The following HLF variants were observed in gnomAD, a reference collection of about 807,000 sequenced individuals.
The protein encoded by HLF is hepatic leukemia factor.
Under a neutral mutation model 22.6 loss-of-function variants are expected in HLF, and 3 were observed. The observed-to-expected ratio is 0.13, with a 90% CI of 0.06 to 0.34. The LOEUF is 0.34. Among genes scored for constraint, HLF ranks in the 10% least tolerant of loss-of-function variants. HLF has a pLI of 1.00. For synonymous variants in HLF, 151 were observed against 151.8 expected (o/e 0.99, Z 0.04); for missense variants, 299 against 389.2 (o/e 0.77, Z 1.95).
Position 55,280,037 on chromosome 17 carries a change from G to T in HLF, c.451+11951G>T, listed in dbSNP as rs145330034. Among the ~76,000 whole-genome samples the T allele has an allele frequency of 9.8e-5, 15 of 152,322 alleles. 1 individual carries two copies. In the East Asian group the frequency reaches 2.9e-3, roughly 29 times the overall value. ...AGTGAGGGTGCTGATACCTGCTTCA[G>T]AGGATTCCTGGAGAAGTAAATGAGA... On this transcript the variant is annotated intron_variant, in intron 2 of 3. Transcript: ENST00000226067.
intron 2 of HLF, among the ~76,000 whole-genome samples, chr17:55,286,387 T>G (rs941737091): frequency 6.6e-6 from 1 of 152,072 alleles, no homozygotes; most frequent in African/African-American, 2.4e-5. Context: ...AGCTGGCTGT[T>G]TTGCCTTCAG....
chr17:55,299,319 T>C (rs1206292174), intron 2 of HLF, among the ~76,000 whole-genome samples: 4 of 152,194 alleles, frequency 2.6e-5, no homozygotes, highest in Non-Finnish European at 5.9e-5. Context: ...CATTAACTAA[T>C]AGGGAGACAG....
chr17:55,294,328 A>G (rs2081093052), intron 2 of HLF, among the ~76,000 whole-genome samples: 1 of 152,220 alleles, frequency 6.6e-6, no homozygotes, highest in African/African-American at 2.4e-5. Context: ...AAGTCCTTGT[A>G]AAGAAGCATA....
rs1023058467 is a variant in HLF at position 55,321,212 on chromosome 17, C to A, written c.*333C>A. ...TCTCCCATCCCCTCCCTCCTTCACT[C>A]CTGCCTCCTCAGCTTTGCTTCATGT... is the stretch of plus-strand genomic sequence containing the variant. On this transcript the variant is annotated 3_prime_UTR_variant, in exon 4 of 4. Transcript: ENST00000226067. 6.7e-6 allele frequency: 2 copies of A among 298,328 alleles called. No homozygotes were observed. The highest frequency in any genetic ancestry group is 4.2e-5 in the African/African-American group (2 of 47,680). The allele number at this position is 298,328 out of a possible 1,614,324, so 18.5% of individuals were successfully genotyped here. A position where few individuals can be genotyped will look rare whatever the true frequency, so the allele number is the denominator to read the frequency against.
intron 2 of HLF, chr17:55,283,949 T>C (rs561889623): frequency 6.6e-6 from 1 of 152,360 alleles, no homozygotes; most frequent in South Asian, 2.1e-4. Flanking sequence ...TGTTTAGGAT[T>C]GAAGGTGATT....
At chr17:55,278,397 G>T (rs973059943) in intron 2 of HLF, among the ~76,000 whole-genome samples, 4 of 152,228 alleles carry the variant, frequency 2.6e-5, no homozygotes, top group Non-Finnish European at 5.9e-5. Flanking sequence ...GTCTGCTGTG[G>T]TGTCTTTGCT....
intron 2 of HLF, among the ~76,000 whole-genome samples, chr17:55,313,786 C>T (rs1904947910): frequency 6.6e-6 from 1 of 152,112 alleles, no homozygotes; most frequent in African/African-American, 2.4e-5. Flanking sequence ...CCATCCTCTG[C>T]CAGCACCTCA....
intron 3 of HLF, among the ~76,000 whole-genome samples, chr17:55,316,516 T>A (rs1412850396): frequency 6.6e-6 from 1 of 152,234 alleles, no homozygotes; most frequent in Admixed American, 6.5e-5. Flanking sequence ...TCATCCACAT[T>A]CCTGAGATTA....
intron 1 of HLF, 64 bp downstream of exon 1, chr17:55,265,663 G>A (rs1246954025): frequency 4.0e-6 from 5 of 1,259,644 alleles, no homozygotes; most frequent in East Asian, 5.2e-5. Context: ...CTCCGCGGCC[G>A]GGCACGCCCG....
chr17:55,323,256 G>A lies in HLF; in HGVS notation c.*2377G>A. ...AGAGATAAATAAAAGATAGCAATATGAGACACAGGTGGACGTAGAGTTGGC... is the reference window on the plus strand; with the variant it reads ...AGAGATAAATAAAAGATAGCAATATAAGACACAGGTGGACGTAGAGTTGGC... On this transcript the variant is annotated 3_prime_UTR_variant, in exon 4 of 4. Transcript: ENST00000226067. The A allele has an allele frequency of 4.6e-6, 1 of 217,262 alleles. No individual in the cohort carries two copies. Among genetic ancestry groups the A allele is most frequent in the Admixed American group, 5.8e-5 (1 of 17,278 alleles). The allele number at this position is 217,262 out of a possible 1,614,324, so 13.5% of individuals were successfully genotyped here. A position where few individuals can be genotyped will look rare whatever the true frequency, so the allele number is the denominator to read the frequency against.
At chr17:55,279,386 AT>A (rs1469667638) in intron 2 of HLF, among the ~76,000 whole-genome samples, 4 of 152,108 alleles carry the variant, frequency 2.6e-5, no homozygotes, top group Non-Finnish European at 4.4e-5. Flanking sequence ...TTTTATGATC[AT>A]TTTATCTTGA....
intron 2 of HLF, among the ~76,000 whole-genome samples, chr17:55,275,744 G>A (rs1029293779): frequency 6.6e-6 from 1 of 152,160 alleles, no homozygotes; most frequent in Non-Finnish European, 1.5e-5. Context: ...TAAAGCTACT[G>A]TGCAAGAAAG....
chr17:55,322,059 T>C lies in HLF; in HGVS notation c.*1180T>C. The C allele has an allele frequency of 2.4e-5, 5 of 210,158 alleles. No homozygotes were observed. The highest frequency in any genetic ancestry group is 5.9e-5 in the Admixed American group (1 of 17,044). The allele number at this position is 210,158 out of a possible 1,614,324, so 13.0% of individuals were successfully genotyped here. On this transcript the variant is annotated 3_prime_UTR_variant, in exon 4 of 4. Transcript: ENST00000226067. The stretch of plus-strand genomic sequence containing the variant: ...AATAAGTTGATGTTTTCTAAGGCCC[T>C]TTTTCCTAGTGGTGTCATTTTTGAA...
chr17:55,275,235 A>G (rs1052932983), intron 2 of HLF, among the ~76,000 whole-genome samples: 1 of 152,138 alleles, frequency 6.6e-6, no homozygotes, highest in Non-Finnish European at 1.5e-5. Context: ...AGCTGGGACT[A>G]CAGGCATGCA....
chr17:55,307,656 T>G (rs1470951109), intron 2 of HLF, among the ~76,000 whole-genome samples: 1 of 152,158 alleles, frequency 6.6e-6, no homozygotes, highest in Non-Finnish European at 1.5e-5. Context: ...GGGGGTGTTA[T>G]GTCCAGCTGC....
intron 2 of HLF, among the ~76,000 whole-genome samples, chr17:55,312,735 A>C (rs1442208285): frequency 6.6e-6 from 1 of 152,236 alleles, no homozygotes; most frequent in East Asian, 1.9e-4. Flanking sequence ...AGCAAGAACC[A>C]GGACTTTCAC....
intron 3 of HLF, among the ~76,000 whole-genome samples, chr17:55,318,156 A>C (rs1297886564): frequency 6.6e-6 from 1 of 152,172 alleles, no homozygotes; most frequent in Admixed American, 6.5e-5. Context: ...TGGCATCAGC[A>C]ACTGGGAGAG....
intron 2 of HLF, among the ~76,000 whole-genome samples, chr17:55,312,768 T>C (rs1242604009): frequency 1.3e-5 from 2 of 152,230 alleles, no homozygotes; most frequent in African/African-American, 2.4e-5. Context: ...TTCCTGTATT[T>C]GTTAACATTT....
chr17:55,302,194 A>G (rs540947335), intron 2 of HLF, among the ~76,000 whole-genome samples: 1 of 152,332 alleles, frequency 6.6e-6, no homozygotes, highest in East Asian at 1.9e-4. Context: ...GTTTGGCTTA[A>G]ACATGTTGAT....
Sources: gnomAD v4.1 joint callset for allele counts (sites outside exome capture counted in the v4.1 genomes callset) on GRCh38, gnomAD v4.1.1 for gene constraint, MANE v1.5 for transcripts, NCBI Gene and HGNC (gene_info 2026-07-23, HGNC 2026-07-21) for gene names.